SLC35F3: variants seen among roughly 807,000 people sequenced by gnomAD.
The protein encoded by SLC35F3 is solute carrier family 35 member F3.
A neutral mutation model predicts 49.9 loss-of-function variants in SLC35F3; 25 were observed. That is an observed-to-expected ratio of 0.50 (90% CI 0.37 to 0.70). The LOEUF (loss-of-function observed/expected upper bound fraction) is 0.70. Among genes scored for constraint, SLC35F3 ranks in the 30% least tolerant of loss-of-function variants. The pLI is 0.00. For synonymous variants in SLC35F3, 275 were observed against 265.4 expected (o/e 1.04, Z -0.35); for missense variants, 525 against 639.8 (o/e 0.82, Z 1.94).
intron 2 of SLC35F3, among the ~76,000 whole-genome samples, chr1:234,043,353 G>C (rs1291553183): frequency 6.6e-6 from 1 of 151,950 alleles, no homozygotes; most frequent in East Asian, 1.9e-4. Context: ...TTGAAATAAA[G>C]GCTAAGACAT....
intron 2 of SLC35F3, among the ~76,000 whole-genome samples, chr1:234,165,038 TTG>T (rs58676109): frequency 0.2 from 28,007 of 137,456 alleles, 2,822 homozygotes; most frequent in Non-Finnish European, 0.22. Flanking sequence ...TAGCTTCAAT[TTG>T]TGTGTGTGTG....
chr1:233,971,462 G>A (rs1035120637), intron 2 of SLC35F3, among the ~76,000 whole-genome samples: 9 of 152,288 alleles, frequency 5.9e-5, no homozygotes, highest in Middle Eastern at 3.4e-3. Context: ...ACGCACAGGC[G>A]TGAAATCCCA....
chr1:234,240,632 G>GTA (rs1289232823), intron 3 of SLC35F3, among the ~76,000 whole-genome samples: 1 of 151,800 alleles, frequency 6.6e-6, no homozygotes, highest in Non-Finnish European at 1.5e-5. Flanking sequence ...AGCCAAATAT[G>GTA]TATATATATA....
intron 4 of SLC35F3, among the ~76,000 whole-genome samples, chr1:234,312,550 G>A (rs978442987): frequency 1.3e-5 from 2 of 152,168 alleles, no homozygotes; most frequent in Non-Finnish European, 2.9e-5. Context: ...AGCCCAGCAT[G>A]GGGGAAGACA....
intron 2 of SLC35F3, among the ~76,000 whole-genome samples, chr1:233,915,640 C>G (rs1661957005): frequency 2.6e-5 from 4 of 152,052 alleles, no homozygotes; most frequent in Admixed American, 2.6e-4. Context: ...CTAATAAAGA[C>G]ATATCTGAGA....
chr1:233,932,051 C>T (rs1026844162), intron 2 of SLC35F3, among the ~76,000 whole-genome samples: 1 of 152,136 alleles, frequency 6.6e-6, no homozygotes, highest in Non-Finnish European at 1.5e-5. Context: ...GAGCAGAAAA[C>T]CAAACACCAC....
intron 3 of SLC35F3, among the ~76,000 whole-genome samples, chr1:234,260,691 G>A (rs1667889594): frequency 6.6e-6 from 1 of 152,166 alleles, no homozygotes; most frequent in Non-Finnish European, 1.5e-5. Context: ...ATCTATAGAA[G>A]GGGGATAACA....
chr1:234,168,827 C>A (rs753709743), intron 2 of SLC35F3, among the ~76,000 whole-genome samples: 1 of 152,186 alleles, frequency 6.6e-6, no homozygotes, highest in Non-Finnish European at 1.5e-5. Flanking sequence ...AGACACACAG[C>A]GAAACGACCC....
rs1324929373 is a variant in SLC35F3 at position 234,116,516 on chromosome 1, TA to T, written c.284-114900del. Reference sequence around the variant, plus strand: ...CCCATTATTTTTGTTTTTATTTATTTATTTATTTATTTTGAGACAGCGTTTT... The same window carrying T: ...CCCATTATTTTTGTTTTTATTTATTTTTTATTTATTTTGAGACAGCGTTTT... On this transcript the variant is annotated intron_variant, in intron 2 of 7. Transcript: ENST00000366618. Among the ~76,000 whole-genome samples the T allele has an allele frequency of 7.7e-3, 1,089 of 141,210 alleles. 46 individuals are homozygous for T. Among genetic ancestry groups the T allele is most frequent in the East Asian group, 0.067 (115 of 1,718 alleles). 92.6% of individuals were successfully genotyped at this position (141,210 alleles called of 152,430 possible).
chr1:233,965,222 T>C (rs986647029), intron 2 of SLC35F3, among the ~76,000 whole-genome samples: 1 of 152,170 alleles, frequency 6.6e-6, no homozygotes, highest in Non-Finnish European at 1.5e-5. Flanking sequence ...AAAATTTGAC[T>C]CAAAGAAGGA....
chr1:233,918,420 CTG>C (rs1662005094), intron 2 of SLC35F3, among the ~76,000 whole-genome samples: 2 of 152,016 alleles, frequency 1.3e-5, no homozygotes, highest in Admixed American at 1.3e-4. Flanking sequence ...GTGGAGGTGT[CTG>C]TGTGATTTTG....
At chr1:234,310,737 G>T (rs1657332870) in intron 4 of SLC35F3, among the ~76,000 whole-genome samples, 1 of 152,214 alleles carries the variant, frequency 6.6e-6, no homozygotes, top group African/African-American at 2.4e-5. Context: ...AATTCCAAAT[G>T]AGACCCTGTT....
At chr1:234,268,239 G>C (rs553839596) in intron 3 of SLC35F3, among the ~76,000 whole-genome samples, 1 of 152,162 alleles carries the variant, frequency 6.6e-6, no homozygotes, top group African/African-American at 2.4e-5. Context: ...GATCACTCGC[G>C]ATTAGGAGCT....
chr1:233,970,021 A>G (rs1284553468), intron 2 of SLC35F3, among the ~76,000 whole-genome samples: 1 of 152,094 alleles, frequency 6.6e-6, no homozygotes, highest in African/African-American at 2.4e-5. Flanking sequence ...TGTCTAAGGG[A>G]GGCTTGGAAA....
intron 2 of SLC35F3, among the ~76,000 whole-genome samples, chr1:234,054,527 G>A (rs1346345489): frequency 6.6e-6 from 1 of 152,154 alleles, no homozygotes; most frequent in Admixed American, 6.5e-5. Context: ...GTTTATTCTA[G>A]TTAGCCATTC....
intron 2 of SLC35F3, among the ~76,000 whole-genome samples, chr1:234,217,004 T>C (rs569815072): frequency 2.6e-5 from 4 of 152,358 alleles, no homozygotes; most frequent in Admixed American, 2.6e-4. Flanking sequence ...GCTTTTGGTC[T>C]ATTTTTTGGA....
At chr1:234,198,900 A>T (rs974549446) in intron 2 of SLC35F3, among the ~76,000 whole-genome samples, 2 of 152,174 alleles carry the variant, frequency 1.3e-5, no homozygotes, top group African/African-American at 4.8e-5. Flanking sequence ...TAATTTCAAA[A>T]TATATTATAA....
chr1:234,221,057 G>T (rs1294954780), intron 2 of SLC35F3, among the ~76,000 whole-genome samples: 2 of 152,138 alleles, frequency 1.3e-5, no homozygotes, highest in African/African-American at 2.4e-5. Flanking sequence ...AGAGAACTCA[G>T]ATAGTACGGT....
intron 2 of SLC35F3, among the ~76,000 whole-genome samples, chr1:234,174,756 T>C (rs894447446): frequency 6.6e-6 from 1 of 152,180 alleles, no homozygotes; most frequent in African/African-American, 2.4e-5. Flanking sequence ...TCTTTGTGAG[T>C]GGGCAATCTT....
Sources: allele counts gnomAD v4.1 joint callset (sites outside exome capture counted in the v4.1 genomes callset), GRCh38; gene constraint gnomAD v4.1.1; transcripts MANE v1.5; gene names NCBI Gene and HGNC (gene_info 2026-07-23, HGNC 2026-07-21).